TMEM236: variants seen among roughly 807,000 people sequenced by gnomAD.
The protein encoded by TMEM236 is transmembrane protein 236.
TMEM236 carries 11 observed loss-of-function variants against 14.7 expected under a neutral mutation model. The ratio of observed to expected loss-of-function variants is 0.75; its 90% CI spans 0.47 to 1.24. The LOEUF (loss-of-function observed/expected upper bound fraction) is 1.24, where lower values mean the gene tolerates loss of function less well. Among genes scored for constraint, TMEM236 ranks in the 50% most tolerant of loss-of-function variants. The pLI is 0.00. For missense variants in TMEM236, 464 were observed against 427.3 expected (o/e 1.09, Z -0.76); for synonymous variants, 182 against 168.6 (o/e 1.08, Z -0.62).
chr10:17,767,689 A>G (rs1837491217), intron 1 of TMEM236, among the ~76,000 whole-genome samples: 1 of 152,104 alleles, frequency 6.6e-6, no homozygotes, highest in Non-Finnish European at 1.5e-5. Flanking sequence ...ATTAACCTCT[A>G]ATTGAAAGCT....
chr10:17,763,754 T>G (rs1554834176), intron 1 of TMEM236, among the ~76,000 whole-genome samples: 1 of 152,176 alleles, frequency 6.6e-6, no homozygotes, highest in Non-Finnish European at 1.5e-5. Flanking sequence ...AAGACCTACT[T>G]GCTTAGAAAG....
intron 3 of TMEM236, among the ~76,000 whole-genome samples, chr10:17,790,332 T>C (rs900340831): frequency 7.2e-5 from 11 of 152,234 alleles, no homozygotes; most frequent in Non-Finnish European, 1.5e-4. Context: ...GTGAGAATCA[T>C]ACCTATTGAT....
intron 3 of TMEM236, among the ~76,000 whole-genome samples, chr10:17,790,667 G>A (rs1444019589): frequency 6.6e-6 from 1 of 152,060 alleles, no homozygotes; most frequent in Non-Finnish European, 1.5e-5. Flanking sequence ...TTTGTGTGCC[G>A]AATGTTTTTT....
Position 17,795,982 on chromosome 10 carries a change from A to G in TMEM236, c.534A>G (p.Gln178=). The change falls in exon 4 of 4, where the codon CAA becomes CAG. Residue 178 remains glutamine (Q), a synonymous_variant. Transcript: ENST00000377495. The stretch of plus-strand genomic sequence containing the variant: ...AACACATAAAAACTGTGACGGAGCA[A>G]GTGAGGCAAAGTCCAGAAAACGCTG... ...SLQHIKTVTE[Q]VRQSPENAAS... 6.2e-7 allele frequency: 1 copy of G among 1,613,956 alleles called. No individual in the cohort carries two copies. The highest frequency in any genetic ancestry group is 8.5e-7 in the Non-Finnish European group (1 of 1,179,866).
At chr10:17,777,369 C>A (rs1205878943) in intron 3 of TMEM236, among the ~76,000 whole-genome samples, 1 of 152,196 alleles carries the variant, frequency 6.6e-6, no homozygotes, top group Non-Finnish European at 1.5e-5. Context: ...CAGAGTCAAG[C>A]GTATTTGTCT....
At position 17,752,487 on chromosome 10, in the gene TMEM236, G is replaced by T. The variant is rs1247718488; in HGVS notation, c.192G>T (p.Leu64=). Residue 64 remains leucine, a synonymous_variant, in exon 1 of 4, where the codon CTG becomes CTT. Coordinates refer to ENST00000377495, the MANE Select transcript of TMEM236 (RefSeq NM_001098844.3). ...CCTATGTTGCGTTAGTGACTCTACTGATCTGGGTTCCTGTAAAAGTTATCC... is the reference window on the plus strand; with the variant it reads ...CCTATGTTGCGTTAGTGACTCTACTTATCTGGGTTCCTGTAAAAGTTATCC... ...SIAYVALVTL[L]IWVPVKVILH... 8 of 1,613,924 alleles carry T rather than the reference G, an allele frequency of 5.0e-6. No individual in the cohort carries two copies. The East Asian group carries it at 1.8e-4, about 36-fold the overall frequency.
rs979372217 is a variant in TMEM236, at chr10:17,774,422, A to G, written c.331-1607A>G. On this transcript the variant is annotated intron_variant, in intron 2 of 3. Transcript: ENST00000377495. ...CAATACATCTGGAACTGATTTTTGT[A>G]TATGTTGTACAGCAGTGAGTTAATT... 3.2e-4 allele frequency among the ~76,000 whole-genome samples: 48 copies of G among 152,312 alleles called. 1 individual carries two copies. The East Asian group carries it at 5.8e-3, about 18-fold the overall frequency.
Position 17,798,256 on chromosome 10 carries a change from T to C in TMEM236, c.*1752T>C, listed in dbSNP as rs1007046406. On this transcript the variant is annotated 3_prime_UTR_variant, in exon 4 of 4. Coordinates refer to ENST00000377495, the MANE Select transcript of TMEM236 (RefSeq NM_001098844.3). ...GAATGAAGCTTAAGAATTTGACATA[T>C]GGCCGGCTGTGGTGGCTCACACGTG... 7 of 231,118 alleles carry C rather than the reference T, an allele frequency of 3.0e-5. No individual in the cohort carries two copies. Among genetic ancestry groups the C allele is most frequent in the Non-Finnish European group, 6.0e-5 (7 of 116,008 alleles). The allele number at this position is 231,118 out of a possible 1,614,324, so 14.3% of individuals were successfully genotyped here.
chr10:17,798,534 T>A lies in TMEM236; in HGVS notation c.*2030T>A. 1 of 534,050 alleles carries A rather than the reference T, an allele frequency of 1.9e-6. No homozygotes were observed. The highest frequency in any genetic ancestry group is 1.4e-5 in the South Asian group (1 of 71,520). 33.1% of individuals were successfully genotyped at this position (534,050 alleles called of 1,614,324 possible). On this transcript the variant is annotated 3_prime_UTR_variant, in exon 4 of 4. Coordinates refer to ENST00000377495, the MANE Select transcript of TMEM236 (RefSeq NM_001098844.3). ...AGACTGGGCAACAGAGTGACACCCA[T>A]CTAAAAAAAATAAAAGAGAATTTGA...
intron 3 of TMEM236, among the ~76,000 whole-genome samples, chr10:17,777,743 T>TTTTTG (rs1195488157): frequency 0.022 from 3,313 of 152,196 alleles, 98 homozygotes; most frequent in African/African-American, 0.075. Flanking sequence ...ATGAGTTGTT[T>TTTTTG]TTTTGTTTTG....
At chr10:17,789,226 T>C (rs1837883764) in intron 3 of TMEM236, among the ~76,000 whole-genome samples, 1 of 152,224 alleles carries the variant, frequency 6.6e-6, no homozygotes, top group Admixed American at 6.5e-5. Flanking sequence ...AAGAAACTCA[T>C]GATCTTGTTT....
intron 3 of TMEM236, among the ~76,000 whole-genome samples, chr10:17,792,290 G>A (rs1163592734): frequency 3.3e-5 from 5 of 152,166 alleles, no homozygotes; most frequent in South Asian, 2.1e-4. Context: ...GTTTCACCAC[G>A]TTAGCCAGGT....
Position 17,795,938 on chromosome 10 carries a change from A to T in TMEM236, c.490A>T (p.Ile164Phe). 1.2e-6 allele frequency: 2 copies of T among 1,613,988 alleles called. No individual in the cohort carries two copies. Among genetic ancestry groups the T allele is most frequent in the South Asian group, 1.1e-5 (1 of 91,068 alleles). ...AATTGCAGGTAGTGAAAATGGACAC[A>T]TCCATTCAACCTCTTTGCAACACAT... is the stretch of plus-strand genomic sequence containing the variant. ...GSQKSSENGH[I>F]HSTSLQHIKT... Residue 164 changes from isoleucine to phenylalanine, a missense_variant, in exon 4 of 4, where the codon ATC (isoleucine) becomes TTC (phenylalanine). Coordinates refer to ENST00000377495, the MANE Select transcript of TMEM236 (RefSeq NM_001098844.3).
chr10:17,758,773 G>A (rs1018015457), intron 1 of TMEM236, among the ~76,000 whole-genome samples: 29 of 152,284 alleles, frequency 1.9e-4, no homozygotes, highest in Non-Finnish European at 8.8e-5. Context: ...AATATTCCTC[G>A]ATTTTGGAGA....
intron 3 of TMEM236, among the ~76,000 whole-genome samples, chr10:17,787,519 C>T (rs1239002202): frequency 2.0e-5 from 3 of 152,320 alleles, no homozygotes; most frequent in East Asian, 1.9e-4. Context: ...ATGGCTGGGC[C>T]GAGCTTTCAT....
chr10:17,771,319 C>T lies in TMEM236; in HGVS notation c.268C>T (p.Leu90=). 6.2e-7 allele frequency: 1 copy of T among 1,613,874 alleles called. No individual in the cohort carries two copies. Among genetic ancestry groups the T allele is most frequent in the Non-Finnish European group, 8.5e-7 (1 of 1,179,798 alleles). ...YRKIKGWRPV[L]MMCVVLTTLP... ...TTTCTCCTTTGCTAGGAGACCTGTT[C>T]TGATGATGTGTGTGGTCCTCACCAC... The change falls in exon 2 of 4, where the codon CTG becomes TTG. Residue 90 remains leucine, a synonymous_variant. Coordinates refer to ENST00000377495, the MANE Select transcript of TMEM236 (RefSeq NM_001098844.3).
chr10:17,781,528 C>G (rs1564598954), intron 3 of TMEM236, among the ~76,000 whole-genome samples: 1 of 151,856 alleles, frequency 6.6e-6, no homozygotes, highest in African/African-American at 2.4e-5. Flanking sequence ...GGGGGATCAC[C>G]TGAGGTCAGG....
At chr10:17,781,085 AT>A (rs1837739898) in intron 3 of TMEM236, among the ~76,000 whole-genome samples, 1 of 152,156 alleles carries the variant, frequency 6.6e-6, no homozygotes, top group South Asian at 2.1e-4. Context: ...TGGAGCCACC[AT>A]TTTGACCATG....
Position 17,759,267 on chromosome 10 carries a change from G to A in TMEM236, c.257+6715G>A, listed in dbSNP as rs1039239550. 9.8e-3 allele frequency among the ~76,000 whole-genome samples: 1,494 copies of A among 152,296 alleles called. 23 individuals are homozygous for A. Among genetic ancestry groups the A allele is most frequent in the African/African-American group, 0.034 (1,419 of 41,566 alleles). On this transcript the variant is annotated intron_variant, in intron 1 of 3. Coordinates refer to ENST00000377495, the MANE Select transcript of TMEM236 (RefSeq NM_001098844.3). The stretch of plus-strand genomic sequence containing the variant: ...GTGATAACATTGAGCTACAAGGCTA[G>A]CCTGAAACTGGAGCAGATCTTCATT...
Sources: gnomAD v4.1 joint callset for allele counts (sites outside exome capture counted in the v4.1 genomes callset) on GRCh38, gnomAD v4.1.1 for gene constraint, MANE v1.5 for transcripts, NCBI Gene and HGNC (gene_info 2026-07-23, HGNC 2026-07-21) for gene names.